UNC13B: variants seen among roughly 807,000 people sequenced by gnomAD.
The protein encoded by UNC13B is unc-13 homolog B.
UNC13B carries 144 observed loss-of-function variants against 211.0 expected under a neutral mutation model. That is an observed-to-expected ratio of 0.68 (90% CI 0.60 to 0.78). UNC13B has a LOEUF of 0.78. Ranked by LOEUF, UNC13B falls within the 30% of genes least tolerant of loss-of-function variation. The pLI is 0.00. For synonymous variants in UNC13B, 709 were observed against 725.8 expected, an observed-to-expected ratio of 0.98 and a Z score of 0.37; for missense variants, 1,777 against 2,002.0, an observed-to-expected ratio of 0.89 and a Z score of 2.14.
intron 16 of UNC13B, among the ~76,000 whole-genome samples, chr9:35,377,985 G>A (rs1374886394): frequency 1.3e-5 from 2 of 152,064 alleles, no homozygotes; most frequent in South Asian, 2.1e-4. Context: ...GGAGGGGGAA[G>A]GGGAAGGGCA....
chr9:35,393,147 G>A (rs1415096366), intron 26 of UNC13B, among the ~76,000 whole-genome samples: 1 of 152,138 alleles, frequency 6.6e-6, no homozygotes, highest in Non-Finnish European at 1.5e-5. Context: ...GAAACTCACA[G>A]AGCAGTCTAG....
chr9:35,235,223 A>T (rs1214437195), intron 3 of UNC13B, among the ~76,000 whole-genome samples: 1 of 152,122 alleles, frequency 6.6e-6, no homozygotes, highest in Non-Finnish European at 1.5e-5. Flanking sequence ...CCTGGTTATT[A>T]TTATAGGAAA....
rs1836542805 is a variant in UNC13B at position 35,404,293 on chromosome 9, G to A, written c.*260G>A. Reference sequence around the variant, plus strand: ...GAGAGATTTTCCATTAAGAGAGAAGGACAAACATTTCTGAGAGTGTCAGCC... The same window carrying A: ...GAGAGATTTTCCATTAAGAGAGAAGAACAAACATTTCTGAGAGTGTCAGCC... On this transcript the variant is annotated 3_prime_UTR_variant, in exon 40 of 40. Transcript: ENST00000635942. 2 of 516,954 alleles carry A rather than the reference G, an allele frequency of 3.9e-6. No homozygotes were observed. Among genetic ancestry groups the A allele is most frequent in the South Asian group, 5.1e-5 (2 of 38,960 alleles). The allele number at this position is 516,954 out of a possible 1,614,324, so 32.0% of individuals were successfully genotyped here.
At chr9:35,240,650 C>T (rs901666328) in intron 5 of UNC13B, among the ~76,000 whole-genome samples, 5 of 151,824 alleles carry the variant, frequency 3.3e-5, no homozygotes, top group African/African-American at 4.8e-5. Flanking sequence ...GACTTTAAAT[C>T]GTTGTTTTTT....
intron 7 of UNC13B, among the ~76,000 whole-genome samples, chr9:35,269,057 A>G (rs180683916): frequency 6.6e-6 from 1 of 152,306 alleles, no homozygotes; most frequent in Non-Finnish European, 1.5e-5. Context: ...TCATGACTTA[A>G]TTCTGACACT....
intron 26 of UNC13B, among the ~76,000 whole-genome samples, chr9:35,391,397 T>C (rs1835525801): frequency 6.6e-6 from 1 of 152,176 alleles, no homozygotes. Context: ...TGAAAGCCCA[T>C]CTAGGAGGAG....
chr9:35,231,284 A>G lies in UNC13B; in HGVS notation c.152+65A>G, dbSNP rs187700601. On this transcript the variant is annotated intron_variant, in intron 3 of 39. Coordinates refer to ENST00000635942, the MANE Select transcript of UNC13B (RefSeq NM_001371189.2). ...AATCTTTTTAAGGGAATTGCATTGG[A>G]TGAAACAATTAGAAGATTTTGTGTA... The G allele has an allele frequency of 8.5e-4, 880 of 1,029,872 alleles. 2 individuals are homozygous for G. Among genetic ancestry groups the G allele is most frequent in the Non-Finnish European group, 1.2e-3 (776 of 664,986 alleles). The allele number at this position is 1,029,872 out of a possible 1,614,324, so 63.8% of individuals were successfully genotyped here.
chr9:35,216,820 AG>A lies in UNC13B; in HGVS notation c.23-11194del, dbSNP rs540413545. 5.9e-5 allele frequency among the ~76,000 whole-genome samples: 9 copies of A among 152,388 alleles called. No individual in the cohort carries two copies. In the East Asian group the frequency reaches 1.7e-3, roughly 29 times the overall value. On this transcript the variant is annotated intron_variant, in intron 1 of 39. Coordinates refer to ENST00000635942, the MANE Select transcript of UNC13B (RefSeq NM_001371189.2). Reference sequence around the variant, plus strand: ...AGTCTAAACACACAAATTTAAAGACAGTTGGCATATTGGATATAAAAACATA... The same window carrying A: ...AGTCTAAACACACAAATTTAAAGACATTGGCATATTGGATATAAAAACATA...
chr9:35,209,578 A>T (rs536952715), intron 1 of UNC13B, among the ~76,000 whole-genome samples: 10 of 151,810 alleles, frequency 6.6e-5, no homozygotes, highest in Non-Finnish European at 1.5e-4. Flanking sequence ...GGGTTTCAAC[A>T]TGTTGGCCCG....
chr9:35,294,467 C>T (rs1419539312), intron 7 of UNC13B, among the ~76,000 whole-genome samples: 9 of 152,102 alleles, frequency 5.9e-5, no homozygotes, highest in African/African-American at 2.2e-4. Context: ...CCATCATGCC[C>T]GGCTAATTTT....
chr9:35,180,824 G>C (rs1821896884), intron 1 of UNC13B, among the ~76,000 whole-genome samples: 1 of 151,954 alleles, frequency 6.6e-6, no homozygotes, highest in Non-Finnish European at 1.5e-5. Flanking sequence ...TGGCCAGGCA[G>C]AGTGGTTTAC....
At chr9:35,398,839 T>C in intron 32 of UNC13B, 43 bp from the exon 33 acceptor site, 1 of 1,598,494 alleles carries the variant, frequency 6.3e-7, no homozygotes, top group Non-Finnish European at 8.5e-7. Flanking sequence ...AGGGACAGTG[T>C]GTGTTTGGGG....
At chr9:35,170,026 T>G (rs1183930964) in intron 1 of UNC13B, among the ~76,000 whole-genome samples, 2 of 152,232 alleles carry the variant, frequency 1.3e-5, no homozygotes, top group African/African-American at 4.8e-5. Flanking sequence ...TACAGTGTTC[T>G]TATATAAACT....
chr9:35,313,618 C>T (rs938732217), intron 10 of UNC13B, among the ~76,000 whole-genome samples: 5 of 122,694 alleles, frequency 4.1e-5, no homozygotes, highest in African/African-American at 1.4e-4. Flanking sequence ...GGGTGAGACC[C>T]TGTCTCAAAA....
chr9:35,201,784 C>A (rs1243296752), intron 1 of UNC13B, among the ~76,000 whole-genome samples: 1 of 152,034 alleles, frequency 6.6e-6, no homozygotes, highest in Non-Finnish European at 1.5e-5. Context: ...TTCAAAAAAC[C>A]AGCTCCTGGA....
intron 7 of UNC13B, among the ~76,000 whole-genome samples, chr9:35,274,354 T>G (rs1564107407): frequency 6.6e-6 from 1 of 152,082 alleles, no homozygotes; most frequent in Non-Finnish European, 1.5e-5. Flanking sequence ...ATTACAGGTG[T>G]GAGCCACCAC....
Position 35,385,743 on chromosome 9 carries a change from G to A in UNC13B, c.10895G>A (p.Ser3632Asn). 1 of 1,607,148 alleles carries A rather than the reference G, an allele frequency of 6.2e-7. No homozygotes were observed. The highest frequency in any genetic ancestry group is 8.5e-7 in the Non-Finnish European group (1 of 1,174,216). ...CAACAGAATAATTTCCCTGCTGGGAGTCCTGAACGGCTTCAGGACTTAAAA... is the reference window on the plus strand; with the variant it reads ...CAACAGAATAATTTCCCTGCTGGGAATCCTGAACGGCTTCAGGACTTAAAA... ...STYRNNFPAGSPERLQDLKST... is the reference protein window; with the variant it reads ...STYRNNFPAGNPERLQDLKST... The change falls in exon 23 of 40, where the codon AGT becomes AAT. Residue 3632 changes from serine to asparagine, a missense_variant. Coordinates refer to ENST00000635942, the MANE Select transcript of UNC13B (RefSeq NM_001371189.2).
chr9:35,270,923 G>A (rs892724990), intron 7 of UNC13B, among the ~76,000 whole-genome samples: 6 of 152,002 alleles, frequency 3.9e-5, no homozygotes, highest in Non-Finnish European at 8.8e-5. Context: ...GGTGGATCAC[G>A]AGGTCAGGAG....
intron 1 of UNC13B, among the ~76,000 whole-genome samples, chr9:35,200,652 A>G (rs1379002698): frequency 6.6e-6 from 1 of 152,170 alleles, no homozygotes; most frequent in African/African-American, 2.4e-5. Context: ...TTATTGGTGT[A>G]TAGGAATGCT....
Sources: allele counts gnomAD v4.1 joint callset (sites outside exome capture counted in the v4.1 genomes callset), GRCh38; gene constraint gnomAD v4.1.1; transcripts MANE v1.5; gene names NCBI Gene and HGNC (gene_info 2026-07-23, HGNC 2026-07-21).